HKDC1: variants seen among roughly 807,000 people sequenced by gnomAD.
The protein encoded by HKDC1 is hexokinase domain containing 1, also known as hexokinase HKDC1.
A neutral mutation model predicts 96.6 loss-of-function variants in HKDC1; 66 were observed. That is an observed-to-expected ratio of 0.68 (90% CI 0.56 to 0.84). The LOEUF is 0.84. Among genes scored for constraint, HKDC1 ranks in the 40% least tolerant of loss-of-function variants. HKDC1 has a pLI of 0.00. For synonymous variants in HKDC1, 466 were observed against 473.1 expected (o/e 0.98, Z 0.20); for missense variants, 1,211 against 1,208.1 (o/e 1.00, Z -0.04).
chr10:69,262,268 T>C (rs1843821807), intron 16 of HKDC1, among the ~76,000 whole-genome samples: 2 of 152,244 alleles, frequency 1.3e-5, no homozygotes, highest in Admixed American at 1.3e-4. Flanking sequence ...TAATATAGGA[T>C]GTCTAGTTTG....
At chr10:69,225,420 G>A (rs1308129857) in intron 1 of HKDC1, among the ~76,000 whole-genome samples, 8 of 152,138 alleles carry the variant, frequency 5.3e-5, no homozygotes, top group Non-Finnish European at 1.2e-4. Context: ...ACAGCCTTGG[G>A]GGAACAGGAA....
At chr10:69,229,567 C>T (rs887373669) in intron 2 of HKDC1, among the ~76,000 whole-genome samples, 10 of 152,150 alleles carry the variant, frequency 6.6e-5, no homozygotes, top group Non-Finnish European at 1.0e-4. Flanking sequence ...ACTGCAGCCC[C>T]TCCTCCTGAT....
chr10:69,243,272 G>T lies in HKDC1; in HGVS notation c.782G>T (p.Trp261Leu), dbSNP rs771587834. The T allele has an allele frequency of 7.4e-6, 12 of 1,613,930 alleles. No homozygotes were observed. The highest frequency in any genetic ancestry group is 1.3e-5 in the African/African-American group (1 of 74,908). The change falls in exon 7 of 18, where the codon TGG (tryptophan) becomes TTG (leucine). Residue 261 changes from tryptophan (W) to leucine (L), a missense_variant. Transcript: ENST00000354624. ...GGCAGGATGTGCATCAACACAGAGTGGGGGGCCTTCGGGGACGACGGGGCC... is the reference window on the plus strand; with the variant it reads ...GGCAGGATGTGCATCAACACAGAGTTGGGGGCCTTCGGGGACGACGGGGCC... The part of the protein sequence containing the change: ...DEGRMCINTE[W>L]GAFGDDGALE...
intron 16 of HKDC1, among the ~76,000 whole-genome samples, chr10:69,264,239 GTGTC>G (rs1344913348): frequency 2.7e-4 from 37 of 139,366 alleles, no homozygotes; most frequent in African/African-American, 1.0e-3. Context: ...GTGTGTGTGT[GTGTC>G]TTTTTTTAAT....
intron 1 of HKDC1, among the ~76,000 whole-genome samples, chr10:69,221,477 G>T (rs1271217167): frequency 6.6e-6 from 1 of 152,038 alleles, no homozygotes; most frequent in East Asian, 1.9e-4. Context: ...TGGGCAAAAA[G>T]CATCTCTCAA....
rs1336869797 is a variant in HKDC1, at chr10:69,260,257, G to A, written c.2217-882G>A. ...AGACAAGACCAAGACTGGCCCTGGT[G>A]GTTTCTTTCCTCTTTGGCACCAATC... is the stretch of plus-strand genomic sequence containing the variant. On this transcript the variant is annotated intron_variant, in intron 15 of 17. Transcript: ENST00000354624. Among the ~76,000 whole-genome samples the A allele has an allele frequency of 3.9e-5, 6 of 152,170 alleles. No homozygotes were observed. In the East Asian group the frequency reaches 5.8e-4, roughly 15 times the overall value.
intron 14 of HKDC1, among the ~76,000 whole-genome samples, chr10:69,258,505 G>A (rs935011625): frequency 1.3e-5 from 2 of 152,216 alleles, no homozygotes; most frequent in Admixed American, 6.5e-5. Context: ...AGCAGGTACC[G>A]TTTATTGAAT....
intron 16 of HKDC1, chr10:69,265,296 G>A: frequency 2.6e-6 from 1 of 379,760 alleles, no homozygotes; most frequent in South Asian, 3.0e-5. Context: ...TGGGTACCTG[G>A]TGTGTTGGTT....
intron 15 of HKDC1, 70 bp downstream of exon 15, chr10:69,259,029 C>G: frequency 8.2e-7 from 1 of 1,213,520 alleles, no homozygotes; most frequent in Non-Finnish European, 1.1e-6. Flanking sequence ...TAAGGGGGTA[C>G]CATAGACAGC....
intron 6 of HKDC1, 80 bp from the exon 7 acceptor site, chr10:69,243,102 C>T: frequency 7.1e-7 from 1 of 1,412,770 alleles, no homozygotes; most frequent in Non-Finnish European, 1.0e-6. Context: ...TTGAGGAGGA[C>T]TCCCCAGCAG....
intron 1 of HKDC1, among the ~76,000 whole-genome samples, chr10:69,226,927 T>C (rs915105247): frequency 2.0e-5 from 3 of 152,150 alleles, no homozygotes; most frequent in African/African-American, 7.2e-5. Flanking sequence ...GCCTCTCCCT[T>C]GTCTCATCAG....
intron 10 of HKDC1, among the ~76,000 whole-genome samples, 177 bp from the exon 11 acceptor site, chr10:69,250,113 G>C (rs1439732032): frequency 6.6e-6 from 1 of 152,154 alleles, no homozygotes; most frequent in Non-Finnish European, 1.5e-5. Context: ...CCTCACGCAG[G>C]CTCAAGATGC....
intron 17 of HKDC1, 140 bp from the exon 18 acceptor site, chr10:69,266,470 A>AT (rs1449635905): frequency 1.1e-6 from 1 of 886,986 alleles, no homozygotes; most frequent in Non-Finnish European, 1.7e-6. Context: ...GTCTAAAAAA[A>AT]AAAAAAAATT....
At chr10:69,222,457 C>T (rs1267485158) in intron 1 of HKDC1, among the ~76,000 whole-genome samples, 3 of 152,230 alleles carry the variant, frequency 2.0e-5, no homozygotes, top group Non-Finnish European at 4.4e-5. Context: ...AGTAAAGGCA[C>T]AAGTTGCACC....
chr10:69,267,224 G>A lies in HKDC1; in HGVS notation c.*467G>A. ...AAGAGGAACTCACGTTATGAACTAG[G>A]GGGATCTCATCTAACTTGTCCTTAA... On this transcript the variant is annotated 3_prime_UTR_variant, in exon 18 of 18. Transcript: ENST00000354624. 1 of 295,356 alleles carries A rather than the reference G, an allele frequency of 3.4e-6. No homozygotes were observed. The highest frequency in any genetic ancestry group is 3.3e-5 in the South Asian group (1 of 30,428). 18.3% of individuals were successfully genotyped at this position (295,356 alleles called of 1,614,324 possible). A position where few individuals can be genotyped will look rare whatever the true frequency, so the allele number is the denominator to read the frequency against.
At chr10:69,241,899 C>T (rs887415790) in intron 6 of HKDC1, among the ~76,000 whole-genome samples, 3 of 152,172 alleles carry the variant, frequency 2.0e-5, no homozygotes, top group African/African-American at 7.2e-5. Context: ...AGGCAAGGTG[C>T]ACTGCAGCTG....
At chr10:69,226,839 T>C (rs535027485) in intron 1 of HKDC1, among the ~76,000 whole-genome samples, 17 of 152,300 alleles carry the variant, frequency 1.1e-4, no homozygotes, top group African/African-American at 3.8e-4. Context: ...CTAGCTGGCC[T>C]TTTTTGGTGG....
At chr10:69,265,289 GT>G (rs1843877525) in intron 16 of HKDC1, 1 of 360,458 alleles carries the variant, frequency 2.8e-6, no homozygotes, top group African/African-American at 2.2e-5. Flanking sequence ...TGAAAAATGG[GT>G]ACCTGGTGTG....
At chr10:69,244,619 C>G (rs564234143) in intron 7 of HKDC1, among the ~76,000 whole-genome samples, 110 of 151,832 alleles carry the variant, frequency 7.2e-4, no homozygotes, top group Non-Finnish European at 9.7e-4. Context: ...AATTTGAGAC[C>G]AGCTTGGGCA....
Sources: allele counts gnomAD v4.1 joint callset (sites outside exome capture counted in the v4.1 genomes callset), GRCh38; gene constraint gnomAD v4.1.1; transcripts MANE v1.5; gene names NCBI Gene and HGNC (gene_info 2026-07-23, HGNC 2026-07-21).